FBRSL1: variants seen among roughly 807,000 people sequenced by gnomAD.
FBRSL1 encodes the protein fibrosin-1-like protein.
Under a neutral mutation model 89.6 loss-of-function variants are expected in FBRSL1, and 51 were observed. The ratio of observed to expected loss-of-function variants is 0.57; its 90% CI spans 0.45 to 0.72. The LOEUF is 0.72. FBRSL1 is among the 30% of genes least tolerant of loss of function. FBRSL1 has a pLI of 0.00. For missense variants in FBRSL1, 1,618 were observed against 1,451.8 expected, an observed-to-expected ratio of 1.11 and a Z score of -1.86; for synonymous variants, 779 against 681.1, an observed-to-expected ratio of 1.14 and a Z score of -2.24.
At chr12:132,503,821 C>T (rs1849368049) in intron 1 of FBRSL1, among the ~76,000 whole-genome samples, 1 of 152,184 alleles carries the variant, frequency 6.6e-6, no homozygotes, top group Non-Finnish European at 1.5e-5. Context: ...TGGGCCTGAG[C>T]TCTTGGAATG....
rs534532704 is a variant in FBRSL1, at chr12:132,515,045, G to A, written c.489+6695G>A. 2.6e-5 allele frequency among the ~76,000 whole-genome samples: 4 copies of A among 152,234 alleles called. No individual in the cohort carries two copies. The South Asian group carries it at 6.2e-4, about 24-fold the overall frequency. ...GGCTGACAGCAGGGAGGTGTGGGGG[G>A]TCCAGAACAATATACCCTCTGTGAG... is the stretch of plus-strand genomic sequence containing the variant. On this transcript the variant is annotated intron_variant, in intron 2 of 18. Transcript: ENST00000680143.
chr12:132,527,921 C>T, intron 3 of FBRSL1, 32 bp from the exon 4 acceptor site: 2 of 1,550,106 alleles, frequency 1.3e-6, no homozygotes, highest in Non-Finnish European at 1.7e-6. Context: ...CGAGTGGCAG[C>T]CTCACTGACT....
rs1360660479 is a variant in FBRSL1 at position 132,583,215 on chromosome 12, G to C, written c.2446G>C (p.Glu816Gln). 4 of 1,430,576 alleles carry C rather than the reference G, an allele frequency of 2.8e-6. No individual in the cohort carries two copies. The East Asian group carries it at 9.8e-5, about 35-fold the overall frequency. The allele number at this position is 1,430,576 out of a possible 1,614,324, so 88.6% of individuals were successfully genotyped here. A position where few individuals can be genotyped will look rare whatever the true frequency, so the allele number is the denominator to read the frequency against. The change falls in exon 19 of 19, where the codon GAG becomes CAG. Residue 816 changes from glutamate (E) to glutamine (Q), a missense_variant. Physicochemically the swap from Glu to Gln is conservative, Grantham distance 29. Coordinates refer to ENST00000680143, the MANE Select transcript of FBRSL1 (RefSeq NM_001367871.1). ...GGCCCCTGGAGACGTGAAGGTCAAG[G>C]AGGAGCGCGGGGAGGACGAGGCCTC... is the stretch of plus-strand genomic sequence containing the variant. ...KAAPGDVKVK[E>Q]ERGEDEASEP...
At chr12:132,578,368 A>ACAC (rs1566244750) in intron 15 of FBRSL1, among the ~76,000 whole-genome samples, 13 of 26,550 alleles carry the variant, frequency 4.9e-4, no homozygotes, top group African/African-American at 1.3e-3. Flanking sequence ...CACACACACA[A>ACAC]AATCATAGAG....
At chr12:132,532,358 C>T (rs1043217671) in intron 4 of FBRSL1, among the ~76,000 whole-genome samples, 11 of 152,218 alleles carry the variant, frequency 7.2e-5, no homozygotes, top group Non-Finnish European at 1.5e-4. Context: ...ACCTCCCTCA[C>T]CACTCGGCCA....
chr12:132,510,804 G>A, intron 2 of FBRSL1: 6 of 1,124,866 alleles, frequency 5.3e-6, no homozygotes, highest in Non-Finnish European at 6.5e-6. Flanking sequence ...CACAGCCCCT[G>A]AGGGCGGGGA....
chr12:132,523,058 G>A (rs1176948824), intron 2 of FBRSL1, among the ~76,000 whole-genome samples: 1 of 152,152 alleles, frequency 6.6e-6, no homozygotes, highest in Non-Finnish European at 1.5e-5. Flanking sequence ...GTGGGCACAG[G>A]TGCAGTAGCT....
chr12:132,574,118 G>T lies in FBRSL1; in HGVS notation c.1559G>T (p.Arg520Leu). ...TCAAGCCCCATTGAGGTGGCCCGCCGGGCTGGTGCGGTTCACACACTCCTG... is the reference window on the plus strand; with the variant it reads ...TCAAGCCCCATTGAGGTGGCCCGCCTGGCTGGTGCGGTTCACACACTCCTG... Reference protein sequence around the residue: ...KTSSPIEVARRAGAVHTLLQK... With the variant: ...KTSSPIEVARLAGAVHTLLQK... The change falls in exon 12 of 19, where the codon CGG (arginine) becomes CTG (leucine). Residue 520 changes from arginine to leucine, a missense_variant. By Grantham distance (102) the Arg-to-Leu change is moderately radical (BLOSUM62 -2). Coordinates refer to ENST00000680143, the MANE Select transcript of FBRSL1 (RefSeq NM_001367871.1). The T allele has an allele frequency of 7.4e-7, 1 of 1,356,134 alleles. No individual in the cohort carries two copies. Among genetic ancestry groups the T allele is most frequent in the Non-Finnish European group, 9.4e-7 (1 of 1,059,600 alleles). 84.0% of individuals were successfully genotyped at this position (1,356,134 alleles called of 1,614,324 possible). A position where few individuals can be genotyped will look rare whatever the true frequency, so the allele number is the denominator to read the frequency against.
chr12:132,502,600 G>C (rs1009141568), intron 1 of FBRSL1, among the ~76,000 whole-genome samples: 1 of 152,032 alleles, frequency 6.6e-6, no homozygotes. Flanking sequence ...CCTATCAGAC[G>C]GTTCTCCAGG....
Position 132,546,685 on chromosome 12 carries a change from G to A in FBRSL1, c.616-1318G>A, listed in dbSNP as rs540210024. On this transcript the variant is annotated intron_variant, in intron 4 of 18. Transcript: ENST00000680143. The surrounding 1 kb of genome is among the most constrained non-coding windows in gnomAD (Gnocchi z 4.0). The stretch of plus-strand genomic sequence containing the variant: ...CACACAGCCGGGACAGACAGCCTGG[G>A]GGAGCCTGTCAGCCTCAGGAGACCC... Among the ~76,000 whole-genome samples the A allele has an allele frequency of 2.6e-5, 4 of 152,302 alleles. No homozygotes were observed. Among genetic ancestry groups the A allele is most frequent in the African/African-American group, 9.6e-5 (4 of 41,568 alleles).
intron 2 of FBRSL1, chr12:132,511,195 C>T: frequency 1.0e-6 from 1 of 985,436 alleles, no homozygotes; most frequent in Non-Finnish European, 1.2e-6. Context: ...CCCACCCCCA[C>T]CTCTCAGGAC....
At chr12:132,528,668 T>TG (rs1258504346) in intron 4 of FBRSL1, among the ~76,000 whole-genome samples, 1 of 149,660 alleles carries the variant, frequency 6.7e-6, no homozygotes, top group Non-Finnish European at 1.5e-5. Flanking sequence ...TGCCTCCCCG[T>TG]GGGTGCACGG....
Position 132,583,873 on chromosome 12 carries a change from G to C in FBRSL1, c.*95G>C. 1.4e-6 allele frequency: 1 copy of C among 714,868 alleles called. No individual in the cohort carries two copies. Among genetic ancestry groups the C allele is most frequent in the South Asian group, 6.5e-5 (1 of 15,350 alleles). The allele number at this position is 714,868 out of a possible 1,614,324, so 44.3% of individuals were successfully genotyped here. ...CAAGCACAGCTCCCGCCGATCCTGGGGCGGCGCCGCCTCTCCACCCGCAGC... is the reference window on the plus strand; with the variant it reads ...CAAGCACAGCTCCCGCCGATCCTGGCGCGGCGCCGCCTCTCCACCCGCAGC... On this transcript the variant is annotated 3_prime_UTR_variant, in exon 19 of 19. Transcript: ENST00000680143.
intron 15 of FBRSL1, among the ~76,000 whole-genome samples, chr12:132,579,058 T>G (rs1593596938): frequency 1.7e-5 from 2 of 115,084 alleles, no homozygotes; most frequent in African/African-American, 3.3e-5. Flanking sequence ...CCGCCTCCCC[T>G]TCCCTCCTCT....
chr12:132,530,197 G>A (rs1243867228), intron 4 of FBRSL1, among the ~76,000 whole-genome samples: 1 of 152,176 alleles, frequency 6.6e-6, no homozygotes, highest in East Asian at 1.9e-4. Flanking sequence ...CCCTTCTCTG[G>A]GCAGTGTCCT....
intron 2 of FBRSL1, chr12:132,509,498 G>T: frequency 8.1e-7 from 1 of 1,237,538 alleles, no homozygotes; most frequent in Non-Finnish European, 1.0e-6. Context: ...GCCCGGCCCA[G>T]CCCTGCCGGC....
intron 4 of FBRSL1, among the ~76,000 whole-genome samples, chr12:132,531,001 GGGGGTGCAGGTGAGAGCCC>G (rs1168632147): frequency 2.7e-5 from 4 of 150,694 alleles, no homozygotes; most frequent in East Asian, 2.0e-4. Context: ...GTGTGGGGGG[GGGGGTGCAGGTGAGAGCCC>G]GGGGTGCAGG....
intron 18 of FBRSL1, among the ~76,000 whole-genome samples, chr12:132,582,604 C>T (rs976547800): frequency 6.6e-6 from 1 of 152,094 alleles, no homozygotes; most frequent in Non-Finnish European, 1.5e-5. Flanking sequence ...CCACCACAGG[C>T]ACCCACACCT....
intron 4 of FBRSL1, among the ~76,000 whole-genome samples, chr12:132,545,014 C>G (rs543660993): frequency 6.6e-6 from 1 of 152,206 alleles, no homozygotes; most frequent in Non-Finnish European, 1.5e-5. Context: ...GTAAATTGTT[C>G]CTATTTACAG....
Sources: allele counts gnomAD v4.1 joint callset (sites outside exome capture counted in the v4.1 genomes callset), GRCh38; gene constraint gnomAD v4.1.1; non-coding constraint Gnocchi (gnomAD v3.1); transcripts MANE v1.5; gene names NCBI Gene and HGNC (gene_info 2026-07-23, HGNC 2026-07-21).